KIDINS220: variants seen among roughly 807,000 people sequenced by gnomAD.
The protein encoded by KIDINS220 is kinase D interacting substrate 220.
KIDINS220 carries 63 observed loss-of-function variants against 157.6 expected under a neutral mutation model. The observed-to-expected ratio is 0.40, with a 90% CI of 0.33 to 0.49. The LOEUF (loss-of-function observed/expected upper bound fraction) is 0.49. Among genes scored for constraint, KIDINS220 ranks in the 20% least tolerant of loss-of-function variants. The pLI, the probability that KIDINS220 is intolerant of heterozygous loss-of-function variation, is 0.66. For synonymous variants in KIDINS220, 732 were observed against 783.6 expected (o/e 0.93, Z 1.10); for missense variants, 1,772 against 2,171.2 (o/e 0.82, Z 3.65).
rs1558328312 is a variant in KIDINS220 at position 8,744,389 on chromosome 2, ATATAT to A, written c.3585+2751_3585+2755del. Reference sequence around the variant, plus strand: ...AAAAAAAAAAAAAAAAAAAAAAAAAATATATATATATAATATATATATATATATAT... The same window carrying A: ...AAAAAAAAAAAAAAAAAAAAAAAAAAATATATAATATATATATATATATAT... On this transcript the variant is annotated intron_variant, in intron 26 of 29. Coordinates refer to ENST00000256707, the MANE Select transcript of KIDINS220 (RefSeq NM_020738.4). Among the ~76,000 whole-genome samples, 5 of 27,890 alleles carry A rather than the reference ATATAT, an allele frequency of 1.8e-4. 1 individual carries two copies. Among genetic ancestry groups the A allele is most frequent in the African/African-American group, 8.3e-4 (5 of 6,018 alleles). The allele number at this position is 27,890 out of a possible 152,430, so 18.3% of individuals were successfully genotyped here. A position where few individuals can be genotyped will look rare whatever the true frequency, so the allele number is the denominator to read the frequency against.
At position 8,788,430 on chromosome 2, in the gene KIDINS220, C is replaced by A. The variant is rs528057367; in HGVS notation, c.1787+217G>T. ...ACTACAGGCATGCGCCATGACGCCC[C>A]CGCTAATTTTGTATTTTTAGTAGAG... On this transcript the variant is annotated intron_variant, in intron 15 of 29. Coordinates refer to ENST00000256707, the MANE Select transcript of KIDINS220 (RefSeq NM_020738.4). Among the ~76,000 whole-genome samples the A allele has an allele frequency of 2.0e-5, 3 of 152,118 alleles. No individual in the cohort carries two copies. In the South Asian group the frequency reaches 6.2e-4, roughly 32 times the overall value.
chr2:8,766,971 A>G (rs1669573525), intron 22 of KIDINS220, among the ~76,000 whole-genome samples: 1 of 152,242 alleles, frequency 6.6e-6, no homozygotes, highest in Admixed American at 6.5e-5. Flanking sequence ...ACATCTGATT[A>G]TGGCTATATT....
At chr2:8,736,769 G>C in intron 27 of KIDINS220, 99 bp downstream of exon 27, 1 of 1,239,198 alleles carries the variant, frequency 8.1e-7, no homozygotes, top group Non-Finnish European at 1.1e-6. Flanking sequence ...AACAGGGAAT[G>C]CATGTTTGGG....
chr2:8,790,316 A>G (rs893086026), intron 13 of KIDINS220, among the ~76,000 whole-genome samples: 2 of 152,120 alleles, frequency 1.3e-5, no homozygotes, highest in Non-Finnish European at 2.9e-5. Flanking sequence ...ACCCCTTCTC[A>G]TATACTCCCA....
In KIDINS220 at chr2:8,817,714, A is replaced by C. The variant is rs1677287734; in HGVS notation, c.210T>G (p.Asp70Glu). 2 of 1,581,266 alleles carry C rather than the reference A, an allele frequency of 1.3e-6. No individual in the cohort carries two copies. The highest frequency in any genetic ancestry group is 2.7e-5 in the African/African-American group (2 of 73,856). Reference sequence around the variant, plus strand: ...ATGCAGATATAAGTGCTGTCCAATTATCCTTGAACATATATTTTAAAAGTT... The same window carrying C: ...ATGCAGATATAAGTGCTGTCCAATTCTCCTTGAACATATATTTTAAAAGTT... ...NGANCNLEDL[D>E]NWTALISASK... is the part of the protein sequence containing the mutation. Residue 70 changes from aspartate (D) to glutamate (E), a missense_variant and splice_region_variant, in exon 4 of 30, where the codon GAT becomes GAG. This residue lies in a region of KIDINS220 where 254 missense variants were observed against 268.6 expected (regional missense o/e 0.95). Transcript: ENST00000256707.
intron 11 of KIDINS220, 28 bp downstream of exon 11, chr2:8,796,743 C>T (rs1221073324): frequency 1.3e-6 from 2 of 1,546,746 alleles, no homozygotes; most frequent in Non-Finnish European, 1.8e-6. Flanking sequence ...GCTTTCCATA[C>T]AGTGTTCTCT....
chr2:8,833,479 CTTTTT>C (rs34083774), intron 1 of KIDINS220, among the ~76,000 whole-genome samples: 1 of 129,106 alleles, frequency 7.7e-6, no homozygotes, highest in Non-Finnish European at 1.6e-5. Flanking sequence ...TTAAATTTGT[CTTTTT>C]TTTTTTTTTT....
At chr2:8,828,775 C>T (rs763413614) in intron 1 of KIDINS220, among the ~76,000 whole-genome samples, 1 of 152,196 alleles carries the variant, frequency 6.6e-6, no homozygotes, top group Non-Finnish European at 1.5e-5. Context: ...ATCCTCTTTG[C>T]CTTCCTTTTC....
In KIDINS220 at chr2:8,733,677, G is replaced by T. The variant is rs1256415921; in HGVS notation, c.3820C>A (p.Leu1274Ile). ...GDWHLFRSTV[L>I]EMRNAESHVV... ...TGGCTTTCTGCGTTTCTCATTTCTA[G>T]TACCTTAACAGAAGAAAAACATAAA... is the stretch of plus-strand genomic sequence containing the variant. The change falls in exon 29 of 30, where the codon CTA becomes ATA. Residue 1274 changes from leucine to isoleucine, a missense_variant. Physicochemically the swap from Leu to Ile is conservative, Grantham distance 5. Around this residue, in one of 3 missense-constraint regions of KIDINS220, gnomAD observed 793 missense variants for 885.5 expected, o/e 0.90. Transcript: ENST00000256707. 1.3e-6 allele frequency: 2 copies of T among 1,528,588 alleles called. No homozygotes were observed. The highest frequency in any genetic ancestry group is 1.8e-6 in the Non-Finnish European group (2 of 1,133,476). The allele number at this position is 1,528,588 out of a possible 1,614,324, so 94.7% of individuals were successfully genotyped here.
intron 17 of KIDINS220, 80 bp from the exon 18 acceptor site, chr2:8,779,894 A>G: frequency 6.9e-7 from 1 of 1,446,882 alleles, no homozygotes; most frequent in Non-Finnish European, 9.5e-7. Flanking sequence ...AGCGTGATAG[A>G]AAGTCATCTA....
intron 4 of KIDINS220, among the ~76,000 whole-genome samples, chr2:8,815,468 G>A (rs1676941200): frequency 6.6e-6 from 1 of 151,882 alleles, no homozygotes; most frequent in Admixed American, 6.6e-5. Flanking sequence ...AGGAGTTTAA[G>A]ACCAGCCTGG....
chr2:8,789,745 A>G, intron 14 of KIDINS220, 135 bp downstream of exon 14: 4 of 741,596 alleles, frequency 5.4e-6, no homozygotes, highest in Non-Finnish European at 6.4e-6. Context: ...TGGAGTAGCA[A>G]AAAGATCAAT....
At chr2:8,747,249 G>A in intron 25 of KIDINS220, 48 bp from the exon 26 acceptor site, 1 of 1,509,830 alleles carries the variant, frequency 6.6e-7, no homozygotes, top group Non-Finnish European at 9.2e-7. Context: ...GAAGGGGGGA[G>A]CCAAACTGTG....
intron 1 of KIDINS220, among the ~76,000 whole-genome samples, chr2:8,830,455 G>C (rs1293272202): frequency 6.6e-6 from 1 of 152,146 alleles, no homozygotes; most frequent in Non-Finnish European, 1.5e-5. Flanking sequence ...GTCTCACTCT[G>C]TCACTCAGAC....
chr2:8,790,369 T>C (rs1673026570), intron 13 of KIDINS220, among the ~76,000 whole-genome samples: 1 of 152,174 alleles, frequency 6.6e-6, no homozygotes, highest in Non-Finnish European at 1.5e-5. Context: ...TGGTTTGCAT[T>C]AACACAAACA....
At chr2:8,779,618 A>G (rs377447854) in intron 18 of KIDINS220, 56 bp downstream of exon 18, 1 of 1,548,770 alleles carries the variant, frequency 6.5e-7, no homozygotes. Flanking sequence ...GAAGTCAAAC[A>G]TTCTCTCAAG....
At chr2:8,817,285 C>T (rs1477487272) in intron 4 of KIDINS220, among the ~76,000 whole-genome samples, 1 of 152,036 alleles carries the variant, frequency 6.6e-6, no homozygotes, top group Non-Finnish European at 1.5e-5. Context: ...GTTTTAAAAC[C>T]ATACGCTGTC....
chr2:8,836,821 A>T (rs1317172483), intron 1 of KIDINS220, among the ~76,000 whole-genome samples: 1 of 152,240 alleles, frequency 6.6e-6, no homozygotes, highest in Non-Finnish European at 1.5e-5. Context: ...AAGCGCCCAT[A>T]GGGAGCAGAG....
At chr2:8,755,250 T>C (rs776153896) in intron 22 of KIDINS220, among the ~76,000 whole-genome samples, 1 of 152,196 alleles carries the variant, frequency 6.6e-6, no homozygotes, top group Non-Finnish European at 1.5e-5. Flanking sequence ...TCGGTGCAAT[T>C]TCCCCCTCCT....
Sources: allele counts gnomAD v4.1 joint callset (sites outside exome capture counted in the v4.1 genomes callset), GRCh38; gene constraint gnomAD v4.1.1; regional missense constraint gnomAD v4.1.1; transcripts MANE v1.5; gene names NCBI Gene and HGNC (gene_info 2026-07-23, HGNC 2026-07-21).